The following BTBD7 variants were observed in gnomAD, a reference collection of about 807,000 sequenced individuals.
BTBD7 encodes the protein BTB/POZ domain-containing protein 7.
A neutral mutation model predicts 99.9 loss-of-function variants in BTBD7; 38 were observed. That is an observed-to-expected ratio of 0.38 (90% CI 0.29 to 0.50). BTBD7 has a LOEUF of 0.50. Among genes scored for constraint, BTBD7 ranks in the 20% least tolerant of loss-of-function variants. The probability of loss-of-function intolerance (pLI) is 0.93; values close to 1 mark genes in which losing one functional copy is unlikely to be tolerated. For synonymous variants in BTBD7, 520 were observed against 511.4 expected (o/e 1.02, Z -0.23); for missense variants, 1,170 against 1,394.6 (o/e 0.84, Z 2.57).
chr14:93,327,150 C>T (rs1043866084), intron 1 of BTBD7, among the ~76,000 whole-genome samples: 1 of 152,182 alleles, frequency 6.6e-6, no homozygotes, highest in Admixed American at 6.5e-5. Context: ...CAAAGTGAGA[C>T]TCTGTCTCAA....
chr14:93,302,088 G>A (rs746296736), intron 1 of BTBD7, among the ~76,000 whole-genome samples: 2 of 152,172 alleles, frequency 1.3e-5, no homozygotes, highest in Non-Finnish European at 2.9e-5. Context: ...CTGGTGGTCT[G>A]TCTGGCTGGC....
At chr14:93,253,296 T>C (rs1256922459) in intron 7 of BTBD7, among the ~76,000 whole-genome samples, 1 of 152,198 alleles carries the variant, frequency 6.6e-6, no homozygotes, top group African/African-American at 2.4e-5. Context: ...AGTAAAAAAG[T>C]GGGCAATCTT....
At position 93,237,684 on chromosome 14, in the gene BTBD7, G is replaced by A. The variant is rs959800403; in HGVS notation, c.*4589C>T. 7.2e-5 allele frequency: 11 copies of A among 152,608 alleles called. No homozygotes were observed. The highest frequency in any genetic ancestry group is 2.7e-4 in the African/African-American group (11 of 41,428). 9.5% of individuals were successfully genotyped at this position (152,608 alleles called of 1,614,324 possible). A position where few individuals can be genotyped will look rare whatever the true frequency, so the allele number is the denominator to read the frequency against. ...CTGTAATGGTACTCAAAAGAGAAAT[G>A]TATCGTTTTACAATGCTTCACACAG... On this transcript the variant is annotated 3_prime_UTR_variant, in exon 11 of 11. Coordinates refer to ENST00000334746, the MANE Select transcript of BTBD7 (RefSeq NM_001002860.4).
chr14:93,293,553 T>C (rs2052883534), intron 3 of BTBD7, among the ~76,000 whole-genome samples: 1 of 152,150 alleles, frequency 6.6e-6, no homozygotes, highest in Non-Finnish European at 1.5e-5. Context: ...AAAGCTTGGG[T>C]GGAGAGGGTG....
At chr14:93,256,031 C>A (rs747863432) in intron 6 of BTBD7, 1 of 152,110 alleles carries the variant, frequency 6.6e-6, no homozygotes, top group Non-Finnish European at 1.5e-5. Context: ...CAGGGCTACC[C>A]CATAGGCAGT....
intron 1 of BTBD7, among the ~76,000 whole-genome samples, chr14:93,325,292 T>C (rs768904490): frequency 3.3e-5 from 5 of 151,890 alleles, no homozygotes; most frequent in Non-Finnish European, 5.9e-5. Flanking sequence ...GTATCTTTAG[T>C]AGAGATGGGG....
chr14:93,289,227 T>G (rs2052817593), intron 3 of BTBD7, among the ~76,000 whole-genome samples: 1 of 152,122 alleles, frequency 6.6e-6, no homozygotes, highest in African/African-American at 2.4e-5. Flanking sequence ...AAATCAGGAA[T>G]AGGGAATTAG....
chr14:93,263,651 G>GTC, intron 4 of BTBD7, 134 bp downstream of exon 4: 2 of 744,632 alleles, frequency 2.7e-6, no homozygotes, highest in South Asian at 1.8e-5. Flanking sequence ...CTATGAAGAG[G>GTC]GCAGTCCTGG....
intron 1 of BTBD7, among the ~76,000 whole-genome samples, chr14:93,309,235 T>C (rs192157435): frequency 6.6e-6 from 1 of 152,222 alleles, no homozygotes; most frequent in East Asian, 1.9e-4. Context: ...AGCACAGGCA[T>C]ATTCTCTATT....
At chr14:93,302,574 C>T (rs900301356) in intron 1 of BTBD7, among the ~76,000 whole-genome samples, 6 of 152,106 alleles carry the variant, frequency 3.9e-5, no homozygotes, top group Non-Finnish European at 8.8e-5. Flanking sequence ...GGGCCGGGAG[C>T]GATGGCTCAA....
chr14:93,248,917 C>G (rs1342583070), intron 8 of BTBD7, among the ~76,000 whole-genome samples: 1 of 152,152 alleles, frequency 6.6e-6, no homozygotes, highest in Non-Finnish European at 1.5e-5. Flanking sequence ...TACAATTTTA[C>G]TTGCATGTAT....
At position 93,288,345 on chromosome 14, in the gene BTBD7, T is replaced by A. The variant is rs927618402; in HGVS notation, c.1162+5513A>T. On this transcript the variant is annotated intron_variant, in intron 3 of 10. Coordinates refer to ENST00000334746, the MANE Select transcript of BTBD7 (RefSeq NM_001002860.4). ...TGTCTCCACTCATCTCTTTATTATA[T>A]TATTTACTTTCTAGATTTCCTCAAC... 97 of 608,954 alleles carry A rather than the reference T, an allele frequency of 1.6e-4. No homozygotes were observed. In the African/African-American group the frequency reaches 1.6e-3, roughly 10 times the overall value. 37.7% of individuals were successfully genotyped at this position (608,954 alleles called of 1,614,324 possible).
At chr14:93,312,460 A>G (rs1366223561) in intron 1 of BTBD7, among the ~76,000 whole-genome samples, 2 of 152,374 alleles carry the variant, frequency 1.3e-5, no homozygotes, top group Non-Finnish European at 2.9e-5. Context: ...AAGAGAAATA[A>G]TATGGTTATA....
chr14:93,242,472 C>T lies in BTBD7; in HGVS notation c.3200G>A (p.Gly1067Glu), dbSNP rs1566831388. ...RTAVETDLTF[G>E]LTPNRPSLSA... ...AAGTGAAGGTCTGTTAGGAGTCAGCCCAAAAGTCAAGTCAGTTTCTACTGC... is the reference window on the plus strand; with the variant it reads ...AAGTGAAGGTCTGTTAGGAGTCAGCTCAAAAGTCAAGTCAGTTTCTACTGC... The change falls in exon 11 of 11, where the codon GGG becomes GAG. Residue 1067 changes from glycine to glutamate, a missense_variant. Gly to Glu is a moderately conservative substitution (Grantham distance 98). Transcript: ENST00000334746. 6.2e-7 allele frequency: 1 copy of T among 1,614,182 alleles called. No individual in the cohort carries two copies. Among genetic ancestry groups the T allele is most frequent in the East Asian group, 2.2e-5 (1 of 44,884 alleles).
chr14:93,318,436 A>G (rs1245131313), intron 1 of BTBD7, among the ~76,000 whole-genome samples: 1 of 152,178 alleles, frequency 6.6e-6, no homozygotes, highest in African/African-American at 2.4e-5. Context: ...GATTTATTTA[A>G]TGTACTTTGT....
At chr14:93,290,213 T>C (rs1452859640) in intron 3 of BTBD7, among the ~76,000 whole-genome samples, 1 of 148,870 alleles carries the variant, frequency 6.7e-6, no homozygotes, top group Non-Finnish European at 1.5e-5. Flanking sequence ...TACTGCCTTT[T>C]AATTTTTTTT....
At chr14:93,263,727 G>C in intron 4 of BTBD7, 58 bp downstream of exon 4, 1 of 1,492,458 alleles carries the variant, frequency 6.7e-7, no homozygotes, top group South Asian at 1.1e-5. Flanking sequence ...ATAGAGCATA[G>C]ATGGGTTTCT....
chr14:93,324,429 A>AAATAAAAAT (rs1342089766), intron 1 of BTBD7, among the ~76,000 whole-genome samples: 2 of 119,974 alleles, frequency 1.7e-5, no homozygotes, highest in Admixed American at 1.5e-4. Flanking sequence ...CTCAAAAAAA[A>AAATAAAAAT]AAAAAAGAGA....
At chr14:93,300,421 C>T (rs1412252680) in intron 1 of BTBD7, among the ~76,000 whole-genome samples, 1 of 151,794 alleles carries the variant, frequency 6.6e-6, no homozygotes. Context: ...CCATGCCTGG[C>T]TAATTTTTGT....
Sources: allele counts gnomAD v4.1 joint callset (sites outside exome capture counted in the v4.1 genomes callset), GRCh38; gene constraint gnomAD v4.1.1; transcripts MANE v1.5; gene names NCBI Gene and HGNC (gene_info 2026-07-23, HGNC 2026-07-21).